Variants in FLT1 observed in about 807,000 individuals in gnomAD.
The protein encoded by FLT1 is vascular endothelial growth factor receptor 1.
FLT1 carries 49 observed loss-of-function variants against 156.3 expected under a neutral mutation model. The observed-to-expected ratio is 0.31, with a 90% confidence interval of 0.25 to 0.40. The LOEUF (loss-of-function observed/expected upper bound fraction) is 0.40. Among genes scored for constraint, FLT1 ranks in the 10% least tolerant of loss-of-function variants. FLT1 has a pLI of 1.00. For missense variants in FLT1, 1,322 were observed against 1,637.2 expected, an observed-to-expected ratio of 0.81 and a Z score of 3.32; for synonymous variants, 594 against 583.8, an observed-to-expected ratio of 1.02 and a Z score of -0.25.
intron 11 of FLT1, chr13:28,399,084 G>A: frequency 6.4e-7 from 1 of 1,551,282 alleles, no homozygotes; most frequent in Non-Finnish European, 8.7e-7. Flanking sequence ...GAAGCTTGTA[G>A]GTGGCAACAT....
At chr13:28,460,204 C>T (rs1311392671) in intron 3 of FLT1, among the ~76,000 whole-genome samples, 1 of 152,202 alleles carries the variant, frequency 6.6e-6, no homozygotes, top group East Asian at 1.9e-4. Flanking sequence ...GGAGCAACAG[C>T]CACGCCTCAC....
chr13:28,311,527 TTTCTTTCC>T, intron 27 of FLT1, 55 bp downstream of exon 27: 2 of 1,360,444 alleles, frequency 1.5e-6, no homozygotes, highest in Admixed American at 1.8e-5. Context: ...CTCTTTCGTC[TTTCTTTCC>T]TTCTTTTTTT....
intron 16 of FLT1, among the ~76,000 whole-genome samples, chr13:28,340,386 A>T (rs1264386319): frequency 6.6e-6 from 1 of 152,156 alleles, no homozygotes; most frequent in Non-Finnish European, 1.5e-5. Context: ...AGCCCAGAAA[A>T]TACCCTTCAT....
intron 14 of FLT1, among the ~76,000 whole-genome samples, chr13:28,383,743 C>A (rs1048897950): frequency 2.0e-5 from 3 of 151,766 alleles, no homozygotes; most frequent in African/African-American, 4.8e-5. Flanking sequence ...GCATGACAAT[C>A]GCTTGAACCC....
chr13:28,366,256 T>C (rs768323875), intron 14 of FLT1, among the ~76,000 whole-genome samples: 2 of 152,184 alleles, frequency 1.3e-5, no homozygotes, highest in Non-Finnish European at 2.9e-5. Flanking sequence ...AGCTTTTATG[T>C]TGTTACTAAG....
chr13:28,305,577 G>A (rs1870709440), intron 29 of FLT1, among the ~76,000 whole-genome samples: 1 of 152,116 alleles, frequency 6.6e-6, no homozygotes, highest in Non-Finnish European at 1.5e-5. Flanking sequence ...GTACTCACTG[G>A]CCATGCCCAC....
intron 15 of FLT1, among the ~76,000 whole-genome samples, chr13:28,350,963 CCTCT>C (rs1872720299): frequency 6.7e-6 from 1 of 148,570 alleles, no homozygotes; most frequent in Non-Finnish European, 1.5e-5. Flanking sequence ...TCTCTCCCTC[CCTCT>C]CCCACCGTCT....
chr13:28,389,222 G>A, intron 13 of FLT1: 2 of 1,109,640 alleles, frequency 1.8e-6, no homozygotes, highest in African/African-American at 1.6e-5. Flanking sequence ...ATCAAGAGCA[G>A]ATGAAATAGT....
At chr13:28,392,305 G>A (rs1732441182) in intron 12 of FLT1, among the ~76,000 whole-genome samples, 1 of 152,152 alleles carries the variant, frequency 6.6e-6, no homozygotes, top group Non-Finnish European at 1.5e-5. Context: ...ATGCAGGAGG[G>A]GCAGCTGACA....
intron 14 of FLT1, among the ~76,000 whole-genome samples, chr13:28,371,464 T>C (rs1176290325): frequency 6.6e-6 from 1 of 152,194 alleles, no homozygotes; most frequent in Non-Finnish European, 1.5e-5. Flanking sequence ...ATCTCCACGC[T>C]GTAGCTGCTA....
Position 28,391,588 on chromosome 13 carries a change from T to C in FLT1, c.1661-1484A>G, listed in dbSNP as rs114338003. Among the ~76,000 whole-genome samples the C allele has an allele frequency of 5.7e-3, 871 of 152,360 alleles. 7 individuals are homozygous for C. The highest frequency in any genetic ancestry group is 0.02 in the African/African-American group (811 of 41,574). ...CCTTGAAATGTATAAAACCAAGCTG[T>C]ACCTCAATCGCCACCTTGGGCACAT... On this transcript the variant is annotated intron_variant, in intron 12 of 29. Transcript: ENST00000282397.
intron 1 of FLT1, among the ~76,000 whole-genome samples, chr13:28,481,716 T>C: frequency 6.6e-6 from 1 of 152,228 alleles, no homozygotes; most frequent in East Asian, 1.9e-4. Context: ...CATTTAGAAG[T>C]AGAATAGGTG....
chr13:28,489,751 G>C (rs527686884), intron 1 of FLT1, among the ~76,000 whole-genome samples: 1 of 152,258 alleles, frequency 6.6e-6, no homozygotes, highest in South Asian at 2.1e-4. Flanking sequence ...TGTGTGGAGA[G>C]AAGTGGCGAA....
In FLT1 at chr13:28,329,663, G is replaced by T. The variant is rs775682821; in HGVS notation, c.2659C>A (p.His887Asn). 1.5e-5 allele frequency: 24 copies of T among 1,614,092 alleles called. No individual in the cohort carries two copies. In the Admixed American group the frequency reaches 2.2e-4, roughly 15 times the overall value. The change falls in exon 19 of 30, where the codon CAC becomes AAC. Residue 887 changes from histidine (H) to asparagine (N), a missense_variant. His to Asn is a moderately conservative substitution (Grantham distance 68). Around this residue, in one of 3 missense-constraint regions of FLT1, gnomAD observed 991 missense variants for 1,254.8 expected, o/e 0.79. Transcript: ENST00000282397. ...AGCAGGTTAACCACGTTCAGATGGT[G>T]GCCAATGTGGGTCAAGATTTTTAGC... ...TELKILTHIG[H>N]HLNVVNLLGA... is the part of the protein sequence containing the mutation.
chr13:28,340,314 T>A (rs948077502), intron 16 of FLT1, among the ~76,000 whole-genome samples: 6 of 152,206 alleles, frequency 3.9e-5, no homozygotes, highest in African/African-American at 7.2e-5. Flanking sequence ...ATTGGTAGGA[T>A]GTCAAGTGAG....
At chr13:28,347,144 G>A (rs8001882) in intron 15 of FLT1, among the ~76,000 whole-genome samples, 30,081 of 152,094 alleles carry the variant, frequency 0.2, 3,151 homozygotes, top group East Asian at 0.33. Context: ...ATACTTTTTT[G>A]AAGAGGTGGC....
intron 10 of FLT1, among the ~76,000 whole-genome samples, chr13:28,408,411 G>C (rs537042337): frequency 5.3e-4 from 81 of 152,150 alleles, no homozygotes; most frequent in Non-Finnish European, 7.5e-4. Flanking sequence ...GACAGATTCT[G>C]TGGCTATTTT....
chr13:28,411,759 G>A (rs1388295721), intron 10 of FLT1, among the ~76,000 whole-genome samples: 2 of 152,074 alleles, frequency 1.3e-5, no homozygotes, highest in African/African-American at 4.8e-5. Flanking sequence ...CCCAACACCC[G>A]ATGGCTGCCT....
intron 10 of FLT1, among the ~76,000 whole-genome samples, chr13:28,412,730 CTTTTTTTTTTTTTT>C (rs752528822): frequency 1.3e-5 from 1 of 79,536 alleles, no homozygotes; most frequent in Non-Finnish European, 2.3e-5. Context: ...CCCTCACGTT[CTTTTTTTTTTTTTT>C]TTTTTTTTTT....
Sources: gnomAD v4.1 joint callset for allele counts (sites outside exome capture counted in the v4.1 genomes callset) on GRCh38, gnomAD v4.1.1 for gene constraint, gnomAD v4.1.1 regional missense constraint, MANE v1.5 for transcripts, NCBI Gene and HGNC (gene_info 2026-07-23, HGNC 2026-07-21) for gene names.